INO80D: variants seen among roughly 807,000 people sequenced by gnomAD.
INO80D encodes INO80 complex subunit D.
INO80D carries 21 observed loss-of-function variants against 87.6 expected under a neutral mutation model. The ratio of observed to expected loss-of-function variants is 0.24; its 90% CI spans 0.17 to 0.35. The LOEUF is 0.35. Ranked by LOEUF, INO80D falls within the 10% of genes least tolerant of loss-of-function variation. The pLI is 1.00. For synonymous variants in INO80D, 440 were observed against 491.0 expected (o/e 0.90, Z 1.37); for missense variants, 982 against 1,280.7 (o/e 0.77, Z 3.56).
chr2:206,048,045 C>T (rs900997784), intron 4 of INO80D, among the ~76,000 whole-genome samples: 5 of 151,698 alleles, frequency 3.3e-5, no homozygotes, highest in South Asian at 4.2e-4. Context: ...TTAGTAGAGA[C>T]GGGGTTTCAC....
intron 5 of INO80D, among the ~76,000 whole-genome samples, chr2:206,043,510 T>C (rs1399368743): frequency 1.4e-5 from 2 of 146,670 alleles, no homozygotes; most frequent in Non-Finnish European, 3.0e-5. Flanking sequence ...TTTTTTGAGA[T>C]GGAGTCTCGC....
intron 9 of INO80D, among the ~76,000 whole-genome samples, chr2:206,008,687 C>T (rs1370255850): frequency 6.6e-6 from 1 of 152,164 alleles, no homozygotes; most frequent in Non-Finnish European, 1.5e-5. Flanking sequence ...AAAATACATG[C>T]CTCACCATAT....
At chr2:206,026,847 C>T (rs1271561990) in intron 6 of INO80D, among the ~76,000 whole-genome samples, 1 of 151,912 alleles carries the variant, frequency 6.6e-6, no homozygotes, top group Non-Finnish European at 1.5e-5. Context: ...TTCTGATATA[C>T]AGATTTTCAC....
In INO80D at chr2:206,010,062, T is replaced by TACACACACACAC. The variant is rs144790541; in HGVS notation, c.1543-280_1543-269dup. On this transcript the variant is annotated intron_variant, in intron 8 of 10. Transcript: ENST00000403263. ...GATGGTCATTATAGTTGACACTGTC[T>TACACACACACAC]ACACACACACACACACACACACACG... Among the ~76,000 whole-genome samples the TACACACACACAC allele has an allele frequency of 2.4e-3, 358 of 149,076 alleles. 2 individuals are homozygous for TACACACACACAC. The highest frequency in any genetic ancestry group is 8.5e-3 in the African/African-American group (346 of 40,648).
At chr2:206,008,625 G>C (rs1688090646) in intron 9 of INO80D, among the ~76,000 whole-genome samples, 1 of 152,116 alleles carries the variant, frequency 6.6e-6, no homozygotes, top group Non-Finnish European at 1.5e-5. Flanking sequence ...CTAACTTACA[G>C]TGTCTCCTCC....
chr2:206,038,707 C>T (rs538253991), intron 5 of INO80D, among the ~76,000 whole-genome samples: 2 of 152,194 alleles, frequency 1.3e-5, no homozygotes, highest in East Asian at 1.9e-4. Context: ...CTGGTACACG[C>T]CTGTAATCCC....
At chr2:206,080,502 T>A (rs1183270405) in intron 1 of INO80D, among the ~76,000 whole-genome samples, 1 of 152,124 alleles carries the variant, frequency 6.6e-6, no homozygotes, top group Non-Finnish European at 1.5e-5. Context: ...CTGGCAAAAA[T>A]ATATTTATTT....
At chr2:206,058,547 C>T (rs1689595093) in intron 3 of INO80D, among the ~76,000 whole-genome samples, 1 of 151,620 alleles carries the variant, frequency 6.6e-6, no homozygotes, top group Non-Finnish European at 1.5e-5. Flanking sequence ...CCAGCTTGGC[C>T]AACATGGTGA....
intron 8 of INO80D, among the ~76,000 whole-genome samples, chr2:206,010,085 A>G (rs977393479): frequency 4.0e-5 from 6 of 151,608 alleles, no homozygotes; most frequent in African/African-American, 9.7e-5. Context: ...ACACACACAC[A>G]CGCACACACA....
chr2:206,052,162 T>G (rs1689390978), intron 4 of INO80D, among the ~76,000 whole-genome samples: 1 of 152,204 alleles, frequency 6.6e-6, no homozygotes, highest in African/African-American at 2.4e-5. Flanking sequence ...TATTGCAACC[T>G]GACCAAACTG....
rs535388501 is a variant in INO80D at position 206,065,985 on chromosome 2, C to T, written c.-123-2741G>A. ...ACTATAAAGAACAGCATGGGCCGGG[C>T]GCAGTGGCTCACGCCTGTAATCCCA... On this transcript the variant is annotated intron_variant, in intron 1 of 10. Coordinates refer to ENST00000403263, the MANE Select transcript of INO80D (RefSeq NM_017759.5). 4.6e-5 allele frequency among the ~76,000 whole-genome samples: 7 copies of T among 152,266 alleles called. No individual in the cohort carries two copies. The South Asian group carries it at 1.2e-3, about 27-fold the overall frequency.
At chr2:206,027,150 G>A (rs891341291) in intron 6 of INO80D, among the ~76,000 whole-genome samples, 8 of 98,236 alleles carry the variant, frequency 8.1e-5, no homozygotes, top group African/African-American at 2.3e-4. Context: ...ACGCACGCGC[G>A]CACGCGCACA....
intron 5 of INO80D, among the ~76,000 whole-genome samples, chr2:206,036,182 A>C (rs989050977): frequency 6.6e-6 from 1 of 152,232 alleles, no homozygotes; most frequent in Non-Finnish European, 1.5e-5. Flanking sequence ...AACAGTGTGG[A>C]GATTCCTTAA....
intron 4 of INO80D, among the ~76,000 whole-genome samples, chr2:206,051,001 C>A (rs1234677602): frequency 6.6e-6 from 1 of 151,782 alleles, no homozygotes; most frequent in African/African-American, 2.4e-5. Context: ...TAGATCTCTG[C>A]CTCAAAACTA....
At chr2:206,052,125 G>A (rs1036352345) in intron 4 of INO80D, among the ~76,000 whole-genome samples, 3 of 152,218 alleles carry the variant, frequency 2.0e-5, no homozygotes, top group African/African-American at 7.2e-5. Flanking sequence ...CAGCTGTCCT[G>A]AGGAAGAGGA....
Position 206,022,968 on chromosome 2 carries a change from G to T in INO80D, c.1299-3123C>A, listed in dbSNP as rs138787089. 3.2e-3 allele frequency among the ~76,000 whole-genome samples: 488 copies of T among 152,292 alleles called. 3 individuals carry two copies. Among genetic ancestry groups the T allele is most frequent in the African/African-American group, 0.011 (464 of 41,552 alleles). ...AATCCCAGCACTTTGGGAGGCCAAG[G>T]CAGGCAGAGTACCTGAGGTCAGGAG... On this transcript the variant is annotated intron_variant, in intron 6 of 10. Transcript: ENST00000403263.
At chr2:206,028,365 C>T in intron 5 of INO80D, 30 bp from the exon 6 acceptor site, 4 of 1,518,320 alleles carry the variant, frequency 2.6e-6, no homozygotes, top group Non-Finnish European at 3.6e-6. Flanking sequence ...AAAGGAAAAA[C>T]TGATTACACA....
chr2:206,076,128 G>A (rs557737462), intron 1 of INO80D, among the ~76,000 whole-genome samples: 27 of 150,170 alleles, frequency 1.8e-4, no homozygotes, highest in African/African-American at 6.6e-4. Flanking sequence ...GGGAGGCCAC[G>A]GCAGAAGGAT....
rs1255669132 is a variant in INO80D, at chr2:205,994,237, G to C, written c.*10131C>G. ...CCACTATGAACACAAATACAGAGGA[G>C]AGATTGTCAGTTTGTAAGTTCCCTT... On this transcript the variant is annotated 3_prime_UTR_variant, in exon 11 of 11. Coordinates refer to ENST00000403263, the MANE Select transcript of INO80D (RefSeq NM_017759.5). 2 of 152,288 alleles carry C rather than the reference G, an allele frequency of 1.3e-5. No homozygotes were observed. Among genetic ancestry groups the C allele is most frequent in the Admixed American group, 6.5e-5 (1 of 15,298 alleles). The allele number at this position is 152,288 out of a possible 1,614,324, so 9.4% of individuals were successfully genotyped here.
Sources: allele counts gnomAD v4.1 joint callset (sites outside exome capture counted in the v4.1 genomes callset), GRCh38; gene constraint gnomAD v4.1.1; transcripts MANE v1.5; gene names NCBI Gene and HGNC (gene_info 2026-07-23, HGNC 2026-07-21).